The following QRICH2 variants were observed in gnomAD, a reference collection of about 807,000 sequenced individuals.
The protein encoded by QRICH2 is glutamine-rich protein 2.
Under a neutral mutation model 168.3 loss-of-function variants are expected in QRICH2, and 119 were observed. The ratio of observed to expected loss-of-function variants is 0.71; its 90% confidence interval spans 0.61 to 0.82. The LOEUF is 0.82. Ranked by LOEUF, QRICH2 falls within the 40% of genes least tolerant of loss-of-function variation. The probability of loss-of-function intolerance (pLI) is 0.00; values close to 1 mark genes in which losing one functional copy is unlikely to be tolerated. For missense variants in QRICH2, 2,241 were observed against 2,491.6 expected (o/e 0.90, Z 2.14); for synonymous variants, 894 against 951.2 (o/e 0.94, Z 1.11).
At chr17:76,283,151 TGC>T (rs1458800961) in intron 7 of QRICH2, among the ~76,000 whole-genome samples, 1 of 152,134 alleles carries the variant, frequency 6.6e-6, no homozygotes, top group Admixed American at 6.5e-5. Context: ...CAGAAGAGCC[TGC>T]CCGGAGGCAG....
rs147391182 is a variant in QRICH2 at position 76,305,259 on chromosome 17, G to A, written c.535-318C>T. On this transcript the variant is annotated intron_variant, in intron 1 of 18. Coordinates refer to ENST00000680821, the MANE Select transcript of QRICH2 (RefSeq NM_001388453.1). ...GCTCACTGCAGCCTCAACCTCTCAG[G>A]CTCAAGCGATCCTCCCACCTCAGCC... 3.7e-3 allele frequency among the ~76,000 whole-genome samples: 556 copies of A among 150,562 alleles called. 6 individuals carry two copies. Among genetic ancestry groups the A allele is most frequent in the African/African-American group, 0.013 (507 of 40,524 alleles).
chr17:76,280,069 G>T lies in QRICH2; in HGVS notation c.4712C>A (p.Pro1571Gln), dbSNP rs777280238. The change falls in exon 12 of 19, where the codon CCA (proline) becomes CAA (glutamine). Residue 1571 changes from proline (P) to glutamine (Q), a missense_variant. By Grantham distance (76) the Pro-to-Gln change is moderately conservative (BLOSUM62 -1). Transcript: ENST00000680821. The surrounding 1 kb of genome is among the most constrained non-coding windows in gnomAD (Gnocchi z 7.4). ...AGCCGCCTCGTCTGCCTGGTAGAGT[G>T]GGGGGCGCTCCCTGAGCTGCTGTCG... ...SLRQQLRERP[P>Q]LYQADEAAAM... 1.9e-6 allele frequency: 3 copies of T among 1,613,352 alleles called. No individual in the cohort carries two copies. The highest frequency in any genetic ancestry group is 1.7e-6 in the Non-Finnish European group (2 of 1,179,890).
At chr17:76,305,995 C>T (rs2070984823) in intron 1 of QRICH2, among the ~76,000 whole-genome samples, 1 of 151,680 alleles carries the variant, frequency 6.6e-6, no homozygotes, top group African/African-American at 2.4e-5. Flanking sequence ...CACGGCAAAA[C>T]CCCATCTCTA....
In QRICH2 at chr17:76,290,013, T is replaced by C; in HGVS notation, c.3777A>G (p.Glu1259=). 1.9e-6 allele frequency: 3 copies of C among 1,610,980 alleles called. No homozygotes were observed. Among genetic ancestry groups the C allele is most frequent in the Non-Finnish European group, 2.5e-6 (3 of 1,178,062 alleles). ...TTACTTTTGCTTTCTCCTGCCAAAC[T>C]TCTTTGGCTAGCGTCTTTACGGTCT... ...QLKTVKTLAK[E]VWQEKAKVER... The change falls in exon 5 of 19, where the codon GAA becomes GAG. Residue 1259 remains glutamate, a synonymous_variant. Transcript: ENST00000680821.
chr17:76,303,872 CAAAA>C (rs67296304), intron 3 of QRICH2, among the ~76,000 whole-genome samples: 2 of 71,668 alleles, frequency 2.8e-5, no homozygotes, highest in South Asian at 5.0e-4. Context: ...AACTCTGTCT[CAAAA>C]AAAAAAAAAA....
upstream of QRICH2, chr17:76,309,355 C>CAAAAA (rs371703805): frequency 8.3e-5 from 9 of 108,876 alleles, no homozygotes; most frequent in Middle Eastern, 5.1e-3. Context: ...GACTCTGTCT[C>CAAAAA]AAAAAAAAAA....
chr17:76,301,771 C>T (rs887661409), intron 3 of QRICH2, among the ~76,000 whole-genome samples: 1 of 138,258 alleles, frequency 7.2e-6, no homozygotes, highest in Non-Finnish European at 1.5e-5. Flanking sequence ...GGTGCAATCT[C>T]GGCTCACTGC....
At position 76,307,375 on chromosome 17, in the gene QRICH2, A is replaced by T. The variant is rs2071005803; in HGVS notation, c.534+90T>A. On this transcript the variant is annotated intron_variant, in intron 1 of 18. Transcript: ENST00000680821. This position sits in a 1 kb window ranked among gnomAD's most constrained non-coding sequence, Gnocchi z 5.3. ...ATCCCCTCCGTCCCCACCACCGCTC[A>T]CCCCTCCAGGGTGGTGGGGACTCGG... The T allele has an allele frequency of 7.2e-7, 1 of 1,397,424 alleles. No homozygotes were observed. Among genetic ancestry groups the T allele is most frequent in the Non-Finnish European group, 1.0e-6 (1 of 991,334 alleles). 86.6% of individuals were successfully genotyped at this position (1,397,424 alleles called of 1,614,324 possible).
chr17:76,292,902 C>T lies in QRICH2; in HGVS notation c.1825G>A (p.Gly609Ser). ...TGATCTGCACCAGGTTGGGCCAAACCAGACTGATCCATTCCAGGCCGGACC... is the reference window on the plus strand; with the variant it reads ...TGATCTGCACCAGGTTGGGCCAAACTAGACTGATCCATTCCAGGCCGGACC... ...GLVRPGMDQS[G>S]LAQPGADQRG... Residue 609 changes from glycine (G) to serine (S), a missense_variant, in exon 4 of 19, where the codon GGT (glycine) becomes AGT (serine). Gly to Ser is a moderately conservative substitution (Grantham distance 56). Transcript: ENST00000680821. 1 of 1,611,642 alleles carries T rather than the reference C, an allele frequency of 6.2e-7. No homozygotes were observed. The highest frequency in any genetic ancestry group is 8.5e-7 in the Non-Finnish European group (1 of 1,179,520).
intron 3 of QRICH2, among the ~76,000 whole-genome samples, chr17:76,294,915 A>G (rs1046028381): frequency 2.0e-5 from 3 of 152,088 alleles, no homozygotes; most frequent in South Asian, 2.1e-4. Flanking sequence ...AATAAAGGAC[A>G]TAAGTAATTT....
At chr17:76,276,283 C>G (rs1009266435) in intron 17 of QRICH2, among the ~76,000 whole-genome samples, 1 of 152,164 alleles carries the variant, frequency 6.6e-6, no homozygotes, top group Non-Finnish European at 1.5e-5. Flanking sequence ...AGTGACAAAG[C>G]GCAGGCTTCG....
intron 14 of QRICH2, 102 bp from the exon 15 acceptor site, chr17:76,278,291 C>G (rs1196400945): frequency 9.0e-6 from 11 of 1,219,574 alleles, no homozygotes; most frequent in Non-Finnish European, 1.2e-5. Flanking sequence ...TGTGCAGGAC[C>G]CAGCTAGGCT....
chr17:76,279,194 C>G (rs552494958), intron 13 of QRICH2, 52 bp from the exon 14 acceptor site: 31 of 1,465,892 alleles, frequency 2.1e-5, no homozygotes, highest in Non-Finnish European at 2.7e-5. Context: ...CAAGTCCGGT[C>G]CCCCAAATCC....
chr17:76,292,979 C>T lies in QRICH2; in HGVS notation c.1748G>A (p.Arg583His), dbSNP rs377489152. The part of the protein sequence containing the change: ...SGRFQRALVQ[R>H]GAYQPGLVQP... Reference sequence around the variant, plus strand: ...GACCAAGCCAGGCTGATATGCACCACGCTGCACCAAAGCACGCTGAAATCT... The same window carrying T: ...GACCAAGCCAGGCTGATATGCACCATGCTGCACCAAAGCACGCTGAAATCT... The change falls in exon 4 of 19, where the codon CGT becomes CAT. Residue 583 changes from arginine to histidine, a missense_variant. Arg to His is a conservative substitution (Grantham distance 29, BLOSUM62 0). Transcript: ENST00000680821. The T allele has an allele frequency of 8.7e-6, 14 of 1,609,616 alleles. No individual in the cohort carries two copies. Among genetic ancestry groups the T allele is most frequent in the Admixed American group, 6.7e-5 (4 of 59,540 alleles).
intron 7 of QRICH2, among the ~76,000 whole-genome samples, chr17:76,282,383 C>T (rs1281667380): frequency 1.3e-5 from 2 of 152,238 alleles, no homozygotes; most frequent in African/African-American, 2.4e-5. Context: ...GCCAGCCCAC[C>T]AGCTCAGCAT....
Position 76,307,130 on chromosome 17 carries a change from G to A in QRICH2, c.534+335C>T, listed in dbSNP as rs1438332316. Among the ~76,000 whole-genome samples, 4 of 152,084 alleles carry A rather than the reference G, an allele frequency of 2.6e-5. No individual in the cohort carries two copies. In the East Asian group the frequency reaches 7.8e-4, roughly 29 times the overall value. On this transcript the variant is annotated intron_variant, in intron 1 of 18. Transcript: ENST00000680821. This position sits in a 1 kb window ranked among gnomAD's most constrained non-coding sequence, Gnocchi z 5.3. The stretch of plus-strand genomic sequence containing the variant: ...CTTGGATGTCTGATAAGTGGTGGGC[G>A]AACCTCTCCCGTAAACAGGGGCTAG...
At chr17:76,288,948 C>CA (rs1195139022) in intron 5 of QRICH2, among the ~76,000 whole-genome samples, 1 of 150,280 alleles carries the variant, frequency 6.7e-6, no homozygotes, top group East Asian at 2.0e-4. Context: ...ACTAAAAATA[C>CA]AAAAAATTAG....
chr17:76,290,034 G>T lies in QRICH2; in HGVS notation c.3756C>A (p.Thr1252=). 1.2e-6 allele frequency: 2 copies of T among 1,612,098 alleles called. No homozygotes were observed. The highest frequency in any genetic ancestry group is 1.1e-5 in the South Asian group (1 of 90,992). The change falls in exon 5 of 19, where the codon ACC becomes ACA. Residue 1252 remains threonine (T), a synonymous_variant. Transcript: ENST00000680821. ...IPPELQEQLK[T]VKTLAKEVWQ... ...AAACTTCTTTGGCTAGCGTCTTTAC[G>T]GTCTTCAGCTGCTCCTGCAGTTCAG...
chr17:76,292,877 T>A lies in QRICH2; in HGVS notation c.1850A>T (p.Gln617Leu), dbSNP rs753353614. 2.5e-6 allele frequency: 4 copies of A among 1,602,326 alleles called. No individual in the cohort carries two copies. The highest frequency in any genetic ancestry group is 2.5e-6 in the Non-Finnish European group (3 of 1,179,368). Residue 617 changes from glutamine (Q) to leucine (L), a missense_variant, in exon 4 of 19, where the codon CAG (glutamine) becomes CTG (leucine). Around this residue, in one of 3 missense-constraint regions of QRICH2, gnomAD observed 2,047 missense variants for 2,303.8 expected, o/e 0.89. Coordinates refer to ENST00000680821, the MANE Select transcript of QRICH2 (RefSeq NM_001388453.1). The part of the protein sequence containing the change: ...QSGLAQPGAD[Q>L]RGLVWPGMDQ... ...CATTCCAGGCCAGACCAAACCACGC[T>A]GATCTGCACCAGGTTGGGCCAAACC... is the stretch of plus-strand genomic sequence containing the variant.
Sources: allele counts gnomAD v4.1 joint callset (sites outside exome capture counted in the v4.1 genomes callset), GRCh38; gene constraint gnomAD v4.1.1; regional missense constraint gnomAD v4.1.1; non-coding constraint Gnocchi (gnomAD v3.1); transcripts MANE v1.5; gene names NCBI Gene and HGNC (gene_info 2026-07-23, HGNC 2026-07-21).